GOSR1: variants seen among roughly 807,000 people sequenced by gnomAD.
GOSR1 encodes 28 kDa Golgi SNARE protein.
A neutral mutation model predicts 35.5 loss-of-function variants in GOSR1; 21 were observed. The observed-to-expected ratio is 0.59, with a 90% CI of 0.42 to 0.85. GOSR1 has a LOEUF of 0.85. Ranked by LOEUF, GOSR1 falls within the 40% of genes least tolerant of loss-of-function variation. The pLI is 0.00. For synonymous variants in GOSR1, 94 were observed against 106.6 expected (o/e 0.88, Z 0.73); for missense variants, 285 against 309.6 (o/e 0.92, Z 0.60).
In GOSR1 at chr17:30,527,411, C is replaced by T. The variant is rs138662605; in HGVS notation, c.*5033C>T. 14 of 152,252 alleles carry T rather than the reference C, an allele frequency of 9.2e-5. No homozygotes were observed. In the East Asian group the frequency reaches 2.3e-3, roughly 25 times the overall value. The allele number at this position is 152,252 out of a possible 1,614,324, so 9.4% of individuals were successfully genotyped here. On this transcript the variant is annotated 3_prime_UTR_variant, in exon 9 of 9. Transcript: ENST00000451249. ...GGGCTTTAGTACATTAGTTGTGCAA[C>T]CAGCCCCACTGTCTAATTTTAGAGC...
At position 30,506,656 on chromosome 17, in the gene GOSR1, AAAGGTGGCTCCACT is replaced by A; in HGVS notation, c.510-4220_510-4207del. Among the ~76,000 whole-genome samples, 4 of 152,358 alleles carry A rather than the reference AAAGGTGGCTCCACT, an allele frequency of 2.6e-5. No individual in the cohort carries two copies. The Middle Eastern group carries it at 0.014, about 518-fold the overall frequency. On this transcript the variant is annotated intron_variant, in intron 6 of 8. Transcript: ENST00000451249. ...AGAAGATCTAGCTAAGATCATTGAT[AAAGGTGGCTCCACT>A]AAGCAACAGATGTTTAGTGTAGAAT...
rs766816181 is a variant in GOSR1, at chr17:30,520,049, T to C, written c.622+28T>C. The stretch of plus-strand genomic sequence containing the variant: ...ATCCTTTTTGAATGTTCGCAGTCTG[T>C]GTTTTGAGGGTAGAGGGGAGAAGTG... On this transcript the variant is annotated intron_variant, in intron 8 of 8. Transcript: ENST00000451249. 25 of 1,429,564 alleles carry C rather than the reference T, an allele frequency of 1.7e-5. 1 individual carries two copies. In the South Asian group the frequency reaches 1.8e-4, roughly 11 times the overall value. The allele number at this position is 1,429,564 out of a possible 1,614,324, so 88.6% of individuals were successfully genotyped here. A position where few individuals can be genotyped will look rare whatever the true frequency, so the allele number is the denominator to read the frequency against.
At chr17:30,496,206 G>GT (rs1294968046) in intron 6 of GOSR1, among the ~76,000 whole-genome samples, 2 of 152,250 alleles carry the variant, frequency 1.3e-5, no homozygotes, top group African/African-American at 2.4e-5. Context: ...CATTTGCTGT[G>GT]TAAGTATTTG....
chr17:30,524,322 CCTCAA>C lies in GOSR1; in HGVS notation c.*1948_*1952del, dbSNP rs1332245479. 6.6e-6 allele frequency: 1 copy of C among 152,272 alleles called. No homozygotes were observed. Among genetic ancestry groups the C allele is most frequent in the East Asian group, 1.9e-4 (1 of 5,184 alleles). 9.4% of individuals were successfully genotyped at this position (152,272 alleles called of 1,614,324 possible). A position where few individuals can be genotyped will look rare whatever the true frequency, so the allele number is the denominator to read the frequency against. ...TGTGCTATAGATTTCTACTCTGTCTCCTCAACTCTGTTGATATTTGGGGAAAATTC... is the reference window on the plus strand; with the variant it reads ...TGTGCTATAGATTTCTACTCTGTCTCCTCTGTTGATATTTGGGGAAAATTC... On this transcript the variant is annotated 3_prime_UTR_variant, in exon 9 of 9. Transcript: ENST00000451249.
intron 7 of GOSR1, among the ~76,000 whole-genome samples, chr17:30,515,973 T>C (rs1206161789): frequency 6.6e-6 from 1 of 152,214 alleles, no homozygotes; most frequent in African/African-American, 2.4e-5. Context: ...TTTGCAGATA[T>C]TGCCTGTGAT....
chr17:30,512,413 A>C (rs998543140), intron 7 of GOSR1, among the ~76,000 whole-genome samples: 3 of 152,158 alleles, frequency 2.0e-5, no homozygotes, highest in African/African-American at 4.8e-5. Context: ...CCTTTACCCA[A>C]CTTCTACAAA....
At chr17:30,480,592 C>G (rs1428618608) in intron 1 of GOSR1, among the ~76,000 whole-genome samples, 1 of 152,152 alleles carries the variant, frequency 6.6e-6, no homozygotes, top group Admixed American at 6.5e-5. Flanking sequence ...TTCTAGCCAT[C>G]TTTGGAGTAA....
intron 4 of GOSR1, 43 bp downstream of exon 4, chr17:30,484,813 TG>T: frequency 9.4e-7 from 1 of 1,063,018 alleles, no homozygotes; most frequent in Non-Finnish European, 1.5e-6. Flanking sequence ...CACAGGAGTT[TG>T]GGTTTTTTTT....
At chr17:30,477,770 C>T (rs1019660496) in intron 1 of GOSR1, 38 of 985,062 alleles carry the variant, frequency 3.9e-5, no homozygotes, top group East Asian at 1.1e-4. Context: ...AGTAATGGAA[C>T]TCGGACGAAG....
At chr17:30,521,698 TC>T (rs1968042535) in intron 8 of GOSR1, among the ~76,000 whole-genome samples, 1 of 152,188 alleles carries the variant, frequency 6.6e-6, no homozygotes, top group Non-Finnish European at 1.5e-5. Context: ...TATTAATAAT[TC>T]ACCAGTGTCT....
intron 4 of GOSR1, among the ~76,000 whole-genome samples, chr17:30,489,290 C>T (rs1914875133): frequency 6.6e-6 from 1 of 152,056 alleles, no homozygotes; most frequent in African/African-American, 2.4e-5. Context: ...GGCCAAGGCA[C>T]TAGAATCGCT....
At chr17:30,492,574 A>C in intron 5 of GOSR1, 105 bp from the exon 6 acceptor site, 1 of 668,252 alleles carries the variant, frequency 1.5e-6, no homozygotes, top group Non-Finnish European at 2.7e-6. Flanking sequence ...TTCATTCAAA[A>C]CTCTGGAGAG....
intron 8 of GOSR1, among the ~76,000 whole-genome samples, 176 bp from the exon 9 acceptor site, chr17:30,522,078 G>A (rs1968057291): frequency 6.6e-6 from 1 of 152,218 alleles, no homozygotes; most frequent in Non-Finnish European, 1.5e-5. Context: ...GCCTTGAGCC[G>A]CAGCGCGTTC....
chr17:30,522,305 G>C lies in GOSR1; in HGVS notation c.674G>C (p.Arg225Pro), dbSNP rs761237681. 1.9e-6 allele frequency: 3 copies of C among 1,610,392 alleles called. No homozygotes were observed. Among genetic ancestry groups the C allele is most frequent in the Non-Finnish European group, 2.5e-6 (3 of 1,177,738 alleles). The change falls in exon 9 of 9, where the codon CGG (arginine) becomes CCG (proline). Residue 225 changes from arginine to proline, a missense_variant. Transcript: ENST00000451249. Reference sequence around the variant, plus strand: ...ATCCAGAGGATCAACCTGAGGAAGCGGCGGGACTCGCTCATCCTAGGGGGT... The same window carrying C: ...ATCCAGAGGATCAACCTGAGGAAGCCGCGGGACTCGCTCATCCTAGGGGGT... ...SLIQRINLRK[R>P]RDSLILGGVI...
chr17:30,481,294 A>G, intron 2 of GOSR1, 37 bp downstream of exon 2: 2 of 1,505,998 alleles, frequency 1.3e-6, no homozygotes, highest in Non-Finnish European at 1.8e-6. Flanking sequence ...CTATGCCTTA[A>G]CTGTGTTTTT....
At chr17:30,482,780 G>C (rs1914437535) in intron 2 of GOSR1, 1 of 152,192 alleles carries the variant, frequency 6.6e-6, no homozygotes, top group Non-Finnish European at 1.5e-5. Context: ...ACATCAAATA[G>C]ATTGCATTGC....
chr17:30,519,834 TA>T, intron 7 of GOSR1, 104 bp from the exon 8 acceptor site: 1 of 703,882 alleles, frequency 1.4e-6, no homozygotes, highest in Non-Finnish European at 2.5e-6. Context: ...CAGTGCTTTC[TA>T]AGATGATGTT....
At position 30,524,947 on chromosome 17, in the gene GOSR1, G is replaced by A. The variant is rs1174837520; in HGVS notation, c.*2569G>A. The A allele has an allele frequency of 6.6e-6, 1 of 152,210 alleles. No homozygotes were observed. Among genetic ancestry groups the A allele is most frequent in the East Asian group, 1.9e-4 (1 of 5,202 alleles). 9.4% of individuals were successfully genotyped at this position (152,210 alleles called of 1,614,324 possible). The stretch of plus-strand genomic sequence containing the variant: ...GCAGAATCTGTCTCTCTCTGCACCT[G>A]TCTTCTGTTACCATCCCTGGACAGT... On this transcript the variant is annotated 3_prime_UTR_variant, in exon 9 of 9. Transcript: ENST00000451249.
intron 1 of GOSR1, chr17:30,479,973 G>C (rs1460399755): frequency 6.6e-6 from 1 of 152,196 alleles, no homozygotes; most frequent in East Asian, 1.9e-4. Flanking sequence ...AAAGAAAAAG[G>C]CAATTTTTGT....
Sources: allele counts gnomAD v4.1 joint callset (sites outside exome capture counted in the v4.1 genomes callset), GRCh38; gene constraint gnomAD v4.1.1; transcripts MANE v1.5; gene names NCBI Gene and HGNC (gene_info 2026-07-23, HGNC 2026-07-21).